Variants in RAPGEF1 observed in about 807,000 individuals in gnomAD.
RAPGEF1 encodes Rap guanine nucleotide exchange factor 1.
RAPGEF1 carries 33 observed loss-of-function variants against 143.3 expected under a neutral mutation model. The ratio of observed to expected loss-of-function variants is 0.23; its 90% CI spans 0.17 to 0.31. The LOEUF (loss-of-function observed/expected upper bound fraction) is 0.31. Ranked by LOEUF, RAPGEF1 falls within the 10% of genes least tolerant of loss-of-function variation. The pLI is 1.00. For missense variants in RAPGEF1, 1,199 were observed against 1,645.4 expected (o/e 0.73, Z 4.69); for synonymous variants, 629 against 676.5 (o/e 0.93, Z 1.09).
intron 1 of RAPGEF1, among the ~76,000 whole-genome samples, chr9:131,723,440 C>T (rs774299941): frequency 6.6e-6 from 1 of 152,198 alleles, no homozygotes; most frequent in Non-Finnish European, 1.5e-5. Flanking sequence ...TTCCTCCCTC[C>T]TTCCAGCCCC....
rs757762524 is a variant in RAPGEF1 at position 131,605,132 on chromosome 9, G to A, written c.2118C>T (p.Ser706=). Residue 706 remains serine, a synonymous_variant, in exon 13 of 27, where the codon TCC becomes TCT. Transcript: ENST00000683357. ...SQDFVPHHQA[S]VPPFLPPTSS... is the part of the protein sequence containing the mutation. Reference sequence around the variant, plus strand: ...AGGTAGGCGGAAGGAAAGGCGGAACGGAAGCTTGGTGGTGAGGCACGAAAT... The same window carrying A: ...AGGTAGGCGGAAGGAAAGGCGGAACAGAAGCTTGGTGGTGAGGCACGAAAT... 4 of 1,363,054 alleles carry A rather than the reference G, an allele frequency of 2.9e-6. No homozygotes were observed. The highest frequency in any genetic ancestry group is 2.3e-5 in the South Asian group (2 of 87,198). The allele number at this position is 1,363,054 out of a possible 1,614,324, so 84.4% of individuals were successfully genotyped here.
chr9:131,625,322 T>C (rs1055488707), intron 10 of RAPGEF1, among the ~76,000 whole-genome samples: 4 of 152,184 alleles, frequency 2.6e-5, no homozygotes, highest in African/African-American at 9.7e-5. Context: ...CCTTATTACT[T>C]TTATGACAGA....
chr9:131,582,453 T>C (rs1450568963), intron 25 of RAPGEF1, among the ~76,000 whole-genome samples, 152 bp downstream of exon 25: 1 of 152,146 alleles, frequency 6.6e-6, no homozygotes, highest in African/African-American at 2.4e-5. Flanking sequence ...GCATTATAAC[T>C]GTATTACAAG....
intron 1 of RAPGEF1, among the ~76,000 whole-genome samples, chr9:131,738,631 G>A (rs1028807094): frequency 6.6e-6 from 1 of 152,202 alleles, no homozygotes; most frequent in Non-Finnish European, 1.5e-5. Context: ...CTGTAAAACT[G>A]GGACCATATT....
chr9:131,687,482 A>G (rs1390782407), intron 1 of RAPGEF1, among the ~76,000 whole-genome samples: 1 of 149,544 alleles, frequency 6.7e-6, no homozygotes, highest in Non-Finnish European at 1.5e-5. Flanking sequence ...GGCGTGAGCC[A>G]TCGCACCCGG....
intron 4 of RAPGEF1, among the ~76,000 whole-genome samples, chr9:131,642,101 T>C (rs1968184776): frequency 1.3e-5 from 2 of 152,234 alleles, no homozygotes; most frequent in Admixed American, 1.3e-4. Context: ...AAAAAGCTCC[T>C]GCTAGGCTTT....
At chr9:131,674,685 C>T (rs1831994186) in intron 1 of RAPGEF1, among the ~76,000 whole-genome samples, 1 of 152,216 alleles carries the variant, frequency 6.6e-6, no homozygotes, top group African/African-American at 2.4e-5. Flanking sequence ...TGACACAGCC[C>T]ACCTGCTCCA....
chr9:131,723,477 T>A (rs1589107145), intron 1 of RAPGEF1, among the ~76,000 whole-genome samples: 3 of 152,202 alleles, frequency 2.0e-5, no homozygotes, highest in African/African-American at 7.2e-5. Flanking sequence ...GCCTTTCGGT[T>A]GCTATAATTT....
intron 1 of RAPGEF1, among the ~76,000 whole-genome samples, chr9:131,706,052 G>A (rs1047003310): frequency 3.9e-5 from 6 of 152,264 alleles, no homozygotes; most frequent in South Asian, 4.1e-4. Flanking sequence ...AGGGGAATCC[G>A]GGCAGAAATC....
chr9:131,665,593 A>G lies in RAPGEF1; in HGVS notation c.62-14644T>C, dbSNP rs6597517. Among the ~76,000 whole-genome samples the G allele has an allele frequency of 1.5e-4, 23 of 151,652 alleles. 1 individual carries two copies. The highest frequency in any genetic ancestry group is 1.2e-3 in the Admixed American group (19 of 15,232). ...TGTTTGAAAACCTCTGATGGCATCT[A>G]TTCTCCCTCAGAGAGGCCCTGTGTG... is the stretch of plus-strand genomic sequence containing the variant. On this transcript the variant is annotated intron_variant, in intron 1 of 26. Transcript: ENST00000683357.
chr9:131,577,079 C>T lies in RAPGEF1; in HGVS notation c.*2418G>A, dbSNP rs528859114. ...TGTGAAGACTGATTCCCACAACCCG[C>T]CCGGGCCCCCCAAAGGAACAGACGA... is the stretch of plus-strand genomic sequence containing the variant. On this transcript the variant is annotated 3_prime_UTR_variant, in exon 27 of 27. Coordinates refer to ENST00000683357, the MANE Select transcript of RAPGEF1 (RefSeq NM_001377935.1). The T allele has an allele frequency of 6.6e-6, 1 of 152,366 alleles. No individual in the cohort carries two copies. Among genetic ancestry groups the T allele is most frequent in the African/African-American group, 2.4e-5 (1 of 41,442 alleles). 9.4% of individuals were successfully genotyped at this position (152,366 alleles called of 1,614,324 possible). A position where few individuals can be genotyped will look rare whatever the true frequency, so the allele number is the denominator to read the frequency against.
At chr9:131,630,446 C>T (rs192571420) in intron 5 of RAPGEF1, 122 bp from the exon 6 acceptor site, 24 of 903,244 alleles carry the variant, frequency 2.7e-5, no homozygotes, top group Non-Finnish European at 4.1e-5. Context: ...ACAGATTCCC[C>T]ACGCACCATA....
chr9:131,587,038 A>ACACC lies in RAPGEF1; in HGVS notation c.3233+697_3233+698insGGTG, dbSNP rs1491416785. 9.3e-5 allele frequency among the ~76,000 whole-genome samples: 7 copies of ACACC among 75,450 alleles called. 1 individual carries two copies. The highest frequency in any genetic ancestry group is 5.4e-4 in the African/African-American group (7 of 12,982). The allele number at this position is 75,450 out of a possible 152,430, so 49.5% of individuals were successfully genotyped here. A position where few individuals can be genotyped will look rare whatever the true frequency, so the allele number is the denominator to read the frequency against. ...CACACACACACACACACACACACAC[A>ACACC]CCCCTGCAGAGCGAGACTCCGTCTC... On this transcript the variant is annotated intron_variant, in intron 22 of 26. Coordinates refer to ENST00000683357, the MANE Select transcript of RAPGEF1 (RefSeq NM_001377935.1).
At chr9:131,711,330 G>A (rs898539439) in intron 1 of RAPGEF1, among the ~76,000 whole-genome samples, 1 of 150,350 alleles carries the variant, frequency 6.7e-6, no homozygotes. Context: ...GGGATTACAG[G>A]TGTGAGCCAC....
At chr9:131,654,872 C>G (rs1429495614) in intron 1 of RAPGEF1, among the ~76,000 whole-genome samples, 3 of 152,162 alleles carry the variant, frequency 2.0e-5, no homozygotes, top group African/African-American at 7.2e-5. Context: ...CTTTTAGTAA[C>G]AGCAGAAATA....
chr9:131,695,621 A>G (rs1490633857), intron 1 of RAPGEF1, among the ~76,000 whole-genome samples: 5 of 152,204 alleles, frequency 3.3e-5, no homozygotes, highest in Admixed American at 1.3e-4. Flanking sequence ...TGCTGCCAGG[A>G]CTGAGTGGTG....
chr9:131,613,214 T>C (rs1344394107), intron 12 of RAPGEF1, among the ~76,000 whole-genome samples: 1 of 151,954 alleles, frequency 6.6e-6, no homozygotes. Flanking sequence ...GGCAGGGCGG[T>C]GTGCTCAGGT....
At chr9:131,702,153 C>CG in intron 1 of RAPGEF1, among the ~76,000 whole-genome samples, 1 of 152,198 alleles carries the variant, frequency 6.6e-6, no homozygotes, top group East Asian at 1.9e-4. Context: ...ACAGAAGCAG[C>CG]GAAGAGGGAT....
intron 9 of RAPGEF1, among the ~76,000 whole-genome samples, chr9:131,626,686 G>A (rs573627130): frequency 2.6e-3 from 392 of 151,608 alleles, no homozygotes; most frequent in Non-Finnish European, 4.6e-3. Flanking sequence ...TACGGAAACT[G>A]TGGCAAATTA....
Sources: allele counts gnomAD v4.1 joint callset (sites outside exome capture counted in the v4.1 genomes callset), GRCh38; gene constraint gnomAD v4.1.1; transcripts MANE v1.5; gene names NCBI Gene and HGNC (gene_info 2026-07-23, HGNC 2026-07-21).